Variants in CSMD1 observed in about 807,000 individuals in gnomAD.
The protein encoded by CSMD1 is CUB and sushi domain-containing protein 1.
CSMD1 carries 213 observed loss-of-function variants against 417.5 expected under a neutral mutation model. That is an observed-to-expected ratio of 0.51 (90% CI 0.46 to 0.57). CSMD1 has a LOEUF of 0.57. CSMD1 is among the 20% of genes least tolerant of loss of function. The probability of loss-of-function intolerance (pLI) is 0.00; values close to 1 mark genes in which losing one functional copy is unlikely to be tolerated. For missense variants in CSMD1, 6,923 were observed against 4,529.7 expected (o/e 1.53, Z -15.17); for synonymous variants, 2,862 against 1,736.8 (o/e 1.65, Z -16.11).
chr8:4,166,166 G>C (rs1005900525), intron 3 of CSMD1, among the ~76,000 whole-genome samples: 2 of 152,084 alleles, frequency 1.3e-5, no homozygotes, highest in Non-Finnish European at 2.9e-5. Context: ...TAAATTTGTA[G>C]TAGTCTACTT....
At chr8:3,101,382 C>T (rs767524027) in intron 46 of CSMD1, among the ~76,000 whole-genome samples, 2 of 152,214 alleles carry the variant, frequency 1.3e-5, no homozygotes, top group African/African-American at 4.8e-5. Context: ...GGTTTTTCTA[C>T]ATTAAGATGA....
chr8:4,464,159 C>A (rs1024769307), intron 2 of CSMD1, among the ~76,000 whole-genome samples: 2 of 152,138 alleles, frequency 1.3e-5, no homozygotes, highest in African/African-American at 4.8e-5. Flanking sequence ...TGGAATTCTA[C>A]TTCCTCTCTA....
chr8:2,977,327 T>G (rs1033833487), intron 55 of CSMD1, among the ~76,000 whole-genome samples: 17 of 152,192 alleles, frequency 1.1e-4, no homozygotes, highest in Non-Finnish European at 2.5e-4. Flanking sequence ...GTTCAGCTCC[T>G]ACTTATAAGT....
chr8:3,783,152 C>G (rs1209986779), intron 5 of CSMD1, among the ~76,000 whole-genome samples: 1 of 152,212 alleles, frequency 6.6e-6, no homozygotes, highest in Non-Finnish European at 1.5e-5. Context: ...TTTTTGACAA[C>G]TTAAGTCTCA....
intron 2 of CSMD1, among the ~76,000 whole-genome samples, chr8:4,601,924 T>G (rs1168986805): frequency 6.6e-6 from 1 of 152,086 alleles, no homozygotes; most frequent in Non-Finnish European, 1.5e-5. Context: ...AAGAAGGAAT[T>G]CCTTGTGAAG....
chr8:3,703,733 G>C (rs1349297377), intron 7 of CSMD1, among the ~76,000 whole-genome samples: 1 of 152,128 alleles, frequency 6.6e-6, no homozygotes, highest in Non-Finnish European at 1.5e-5. Flanking sequence ...GAAAAAAGCA[G>C]GAGTTTGTTT....
intron 3 of CSMD1, among the ~76,000 whole-genome samples, chr8:4,221,776 T>C (rs1801047442): frequency 6.6e-6 from 1 of 152,056 alleles, no homozygotes; most frequent in Non-Finnish European, 1.5e-5. Flanking sequence ...TAAAAGAAAA[T>C]ATACATTCTG....
At chr8:3,083,722 C>T (rs1375353670) in intron 49 of CSMD1, among the ~76,000 whole-genome samples, 22 of 128,506 alleles carry the variant, frequency 1.7e-4, no homozygotes, top group African/African-American at 5.1e-4. Flanking sequence ...GTGCCGTGAT[C>T]TCGGCTCACT....
intron 3 of CSMD1, among the ~76,000 whole-genome samples, chr8:4,362,291 C>T (rs1272277791): frequency 6.6e-6 from 1 of 152,142 alleles, no homozygotes; most frequent in Non-Finnish European, 1.5e-5. Flanking sequence ...GACTCCTCCT[C>T]CTTCAGGTGG....
chr8:4,739,721 C>A (rs1410745447), intron 1 of CSMD1, among the ~76,000 whole-genome samples: 1 of 152,136 alleles, frequency 6.6e-6, no homozygotes, highest in Non-Finnish European at 1.5e-5. Flanking sequence ...TTACTAGGAG[C>A]TCGTGGTGGT....
chr8:3,253,806 G>GA (rs1800450593), intron 26 of CSMD1, among the ~76,000 whole-genome samples: 2 of 152,162 alleles, frequency 1.3e-5, no homozygotes, highest in African/African-American at 4.8e-5. Context: ...ACAGCACACT[G>GA]TAGGGTCTTG....
chr8:3,300,098 G>C (rs779906643), intron 25 of CSMD1, among the ~76,000 whole-genome samples: 5 of 152,064 alleles, frequency 3.3e-5, no homozygotes, highest in Non-Finnish European at 7.4e-5. Flanking sequence ...ATAAATTAAG[G>C]CACATTCAGG....
intron 3 of CSMD1, among the ~76,000 whole-genome samples, chr8:4,385,167 T>TCCGCCCACCTCTG (rs1803364586): frequency 2.3e-5 from 1 of 42,842 alleles, no homozygotes; most frequent in Non-Finnish European, 4.8e-5. Context: ...CCTCAGGTGA[T>TCCGCCCACCTCTG]CCTCCCCGTC....
intron 5 of CSMD1, among the ~76,000 whole-genome samples, chr8:3,828,695 A>C (rs538266078): frequency 6.6e-6 from 1 of 152,214 alleles, no homozygotes; most frequent in Middle Eastern, 3.4e-3. Flanking sequence ...CAGGTTGCTT[A>C]TTGGCCTCCC....
chr8:3,115,071 G>C (rs1000076359), intron 42 of CSMD1, among the ~76,000 whole-genome samples: 2 of 152,020 alleles, frequency 1.3e-5, no homozygotes, highest in East Asian at 3.9e-4. Context: ...TGATTAATTA[G>C]GTCAGCAAAA....
In CSMD1 at chr8:4,104,886, T is replaced by C. The variant is rs1407917792; in HGVS notation, c.416-72787A>G. ...TTTTTAGGTATTACTTTTTCTTTTG[T>C]ATCCATTAAGATCAATCCCACTGTG... On this transcript the variant is annotated intron_variant, in intron 3 of 69. Coordinates refer to ENST00000635120, the MANE Select transcript of CSMD1 (RefSeq NM_033225.6). Among the ~76,000 whole-genome samples, 5 of 152,314 alleles carry C rather than the reference T, an allele frequency of 3.3e-5. No individual in the cohort carries two copies. In the South Asian group the frequency reaches 6.2e-4, roughly 19 times the overall value.
chr8:3,471,216 T>C (rs1030935874), intron 11 of CSMD1, among the ~76,000 whole-genome samples: 1 of 152,230 alleles, frequency 6.6e-6, no homozygotes, highest in Non-Finnish European at 1.5e-5. Context: ...TACGTGCATT[T>C]AACTAATGGG....
chr8:4,788,990 G>C (rs1182720908), intron 1 of CSMD1, among the ~76,000 whole-genome samples: 1 of 152,104 alleles, frequency 6.6e-6, no homozygotes, highest in Non-Finnish European at 1.5e-5. Context: ...TAAATTCATG[G>C]TTAGGACTCT....
At chr8:4,256,141 C>A (rs1310115696) in intron 3 of CSMD1, among the ~76,000 whole-genome samples, 1 of 152,190 alleles carries the variant, frequency 6.6e-6, no homozygotes, top group Non-Finnish European at 1.5e-5. Context: ...CAGTACTAAT[C>A]ACTATGTAGC....
Sources: allele counts gnomAD v4.1 joint callset (sites outside exome capture counted in the v4.1 genomes callset), GRCh38; gene constraint gnomAD v4.1.1; transcripts MANE v1.5; gene names NCBI Gene and HGNC (gene_info 2026-07-23, HGNC 2026-07-21).